The following CCDC178 variants were observed in gnomAD, a reference collection of about 807,000 sequenced individuals.
The protein encoded by CCDC178 is coiled-coil domain-containing protein 178.
CCDC178 carries 126 observed loss-of-function variants against 117.4 expected under a neutral mutation model. The observed-to-expected ratio is 1.07, with a 90% CI of 0.93 to 1.24. CCDC178 has a LOEUF of 1.24. CCDC178 is among the 50% of genes most tolerant of loss of function. The pLI, the probability that CCDC178 is intolerant of heterozygous loss-of-function variation, is 0.00. For synonymous variants in CCDC178, 283 were observed against 313.4 expected (o/e 0.90, Z 1.02); for missense variants, 1,030 against 986.9 (o/e 1.04, Z -0.59).
intron 21 of CCDC178, among the ~76,000 whole-genome samples, chr18:32,988,466 C>A (rs978352519): frequency 5.9e-5 from 9 of 151,926 alleles, no homozygotes; most frequent in Non-Finnish European, 1.2e-4. Context: ...ATAGTTAATT[C>A]TTTAATACTG....
intron 2 of CCDC178, among the ~76,000 whole-genome samples, chr18:33,418,793 G>A (rs2063983875): frequency 6.6e-6 from 1 of 152,112 alleles, no homozygotes; most frequent in Non-Finnish European, 1.5e-5. Flanking sequence ...GGAGGTGAAA[G>A]ATCTCTACAA....
At position 33,405,772 on chromosome 18, in the gene CCDC178, T is replaced by C. The variant is rs1316894368; in HGVS notation, c.58+6259A>G. The stretch of plus-strand genomic sequence containing the variant: ...TACAGGCAGTGAATCTTGAATATGT[T>C]AGCTTTTTAACTAATATCGAAGGAT... On this transcript the variant is annotated intron_variant, in intron 3 of 22. Coordinates refer to ENST00000383096, the MANE Select transcript of CCDC178 (RefSeq NM_001105528.4). 9.2e-5 allele frequency among the ~76,000 whole-genome samples: 14 copies of C among 152,158 alleles called. 1 individual carries two copies. In the East Asian group the frequency reaches 2.7e-3, roughly 29 times the overall value.
At chr18:32,952,772 C>CTT (rs112669320) in intron 22 of CCDC178, among the ~76,000 whole-genome samples, 45 of 130,042 alleles carry the variant, frequency 3.5e-4, no homozygotes, top group African/African-American at 7.4e-4. Context: ...ATTTTATAAA[C>CTT]TTTTTTTTTT....
At chr18:33,424,389 G>A (rs80133752) in intron 2 of CCDC178, among the ~76,000 whole-genome samples, 1 of 152,152 alleles carries the variant, frequency 6.6e-6, no homozygotes, top group East Asian at 1.9e-4. Context: ...TGTAAGGTAC[G>A]TGGATGTGCC....
At chr18:33,195,453 A>C (rs1377311663) in intron 20 of CCDC178, among the ~76,000 whole-genome samples, 2 of 152,140 alleles carry the variant, frequency 1.3e-5, no homozygotes, top group Non-Finnish European at 2.9e-5. Context: ...CCTGTCCATT[A>C]GGCCTCATTT....
chr18:33,298,877 A>AT (rs1266657518), intron 11 of CCDC178, among the ~76,000 whole-genome samples: 2 of 151,406 alleles, frequency 1.3e-5, no homozygotes, highest in African/African-American at 4.9e-5. Flanking sequence ...AGGCAATCTC[A>AT]TTTAAAATAG....
chr18:33,080,565 T>C (rs1189911147), intron 21 of CCDC178, among the ~76,000 whole-genome samples: 1 of 152,162 alleles, frequency 6.6e-6, no homozygotes, highest in Non-Finnish European at 1.5e-5. Context: ...GAATCAATCC[T>C]GTTGACACTT....
chr18:33,174,134 G>A (rs2058635933), intron 20 of CCDC178, among the ~76,000 whole-genome samples: 1 of 151,780 alleles, frequency 6.6e-6, no homozygotes, highest in African/African-American at 2.4e-5. Flanking sequence ...GGCAAAGGGG[G>A]AGCAGGTACG....
chr18:33,256,125 G>C (rs1254957841), intron 14 of CCDC178, among the ~76,000 whole-genome samples: 2 of 151,956 alleles, frequency 1.3e-5, no homozygotes, highest in East Asian at 3.9e-4. Context: ...AATAGTGAAA[G>C]AAATATTTCT....
At chr18:32,974,358 C>T (rs944426618) in intron 22 of CCDC178, among the ~76,000 whole-genome samples, 189 bp downstream of exon 22, 2 of 152,176 alleles carry the variant, frequency 1.3e-5, no homozygotes, top group African/African-American at 4.8e-5. Context: ...TCTCCCTTTT[C>T]TCCCAAAGTA....
In CCDC178 at chr18:33,151,464, T is replaced by G. The variant is rs75351015; in HGVS notation, c.2239-58554A>C. ...AAAAGCTTAAATACAAACAAGACTT[T>G]GCAGAAAACATAAAAAAGCAAACGA... On this transcript the variant is annotated intron_variant, in intron 20 of 22. Transcript: ENST00000383096. 1.9e-3 allele frequency among the ~76,000 whole-genome samples: 290 copies of G among 152,208 alleles called. 1 individual carries two copies. The highest frequency in any genetic ancestry group is 6.5e-3 in the African/African-American group (270 of 41,518).
chr18:33,103,488 AC>A lies in CCDC178; in HGVS notation c.2239-10579del, dbSNP rs2057660388. Among the ~76,000 whole-genome samples the A allele has an allele frequency of 5.3e-5, 8 of 151,854 alleles. 1 individual carries two copies. In the South Asian group the frequency reaches 1.2e-3, roughly 24 times the overall value. Reference sequence around the variant, plus strand: ...TCTACTTAGGCCTAAGCATAAAAAAACATGGTTAGAAAGCATTTTTATTTTT... The same window carrying A: ...TCTACTTAGGCCTAAGCATAAAAAAAATGGTTAGAAAGCATTTTTATTTTT... On this transcript the variant is annotated intron_variant, in intron 20 of 22. Transcript: ENST00000383096.
At chr18:33,208,016 C>G (rs1426754549) in intron 20 of CCDC178, among the ~76,000 whole-genome samples, 3 of 152,032 alleles carry the variant, frequency 2.0e-5, no homozygotes, top group Admixed American at 6.6e-5. Context: ...ATCTCTGATA[C>G]AAAATTAGCA....
At chr18:33,347,133 G>A (rs967810524) in intron 8 of CCDC178, among the ~76,000 whole-genome samples, 68 of 152,114 alleles carry the variant, frequency 4.5e-4, no homozygotes, top group African/African-American at 1.6e-3. Flanking sequence ...AGACAGATAT[G>A]AGTCCTATCC....
At chr18:33,316,777 C>G (rs1436353415) in intron 11 of CCDC178, among the ~76,000 whole-genome samples, 1 of 152,188 alleles carries the variant, frequency 6.6e-6, no homozygotes, top group Non-Finnish European at 1.5e-5. Flanking sequence ...CACTCTGTAT[C>G]TAGCTAATCC....
intron 10 of CCDC178, among the ~76,000 whole-genome samples, chr18:33,331,046 T>TTTTTTTTTTTTTTTTTG (rs1218673617): frequency 7.1e-6 from 1 of 141,490 alleles, no homozygotes; most frequent in Non-Finnish European, 1.5e-5. Flanking sequence ...TTTTTTTTTT[T>TTTTTTTTTTTTTTTTTG]TTTTTTGGTC....
At chr18:33,206,144 A>G (rs1311792570) in intron 20 of CCDC178, among the ~76,000 whole-genome samples, 1 of 152,148 alleles carries the variant, frequency 6.6e-6, no homozygotes, top group East Asian at 1.9e-4. Context: ...CCCCCCAAAA[A>G]GGACTCAAGG....
intron 21 of CCDC178, among the ~76,000 whole-genome samples, chr18:33,073,089 G>A (rs2057138339): frequency 6.6e-6 from 1 of 151,520 alleles, no homozygotes; most frequent in African/African-American, 2.4e-5. Context: ...TTGTTTCAGG[G>A]CCCTTATTAA....
intron 14 of CCDC178, among the ~76,000 whole-genome samples, chr18:33,255,900 C>A (rs1453823253): frequency 1.3e-5 from 2 of 150,340 alleles, no homozygotes; most frequent in African/African-American, 4.9e-5. Context: ...AAGAGAATGG[C>A]ATCCTGAATC....
Sources: allele counts gnomAD v4.1 joint callset (sites outside exome capture counted in the v4.1 genomes callset), GRCh38; gene constraint gnomAD v4.1.1; transcripts MANE v1.5; gene names NCBI Gene and HGNC (gene_info 2026-07-23, HGNC 2026-07-21).